SLC25A13: variants seen among roughly 807,000 people sequenced by gnomAD.
SLC25A13 encodes solute carrier family 25 member 13.
In SLC25A13, 70 loss-of-function variants were observed where a neutral mutation model predicts 85.5. The observed-to-expected ratio is 0.82, with a 90% CI of 0.68 to 1.00. The LOEUF is 1.00. Among genes scored for constraint, SLC25A13 ranks in the 50% least tolerant of loss-of-function variants. The pLI, the probability that SLC25A13 is intolerant of heterozygous loss-of-function variation, is 0.00. For synonymous variants in SLC25A13, 259 were observed against 288.7 expected, an observed-to-expected ratio of 0.90 and a Z score of 1.04; for missense variants, 765 against 819.8, an observed-to-expected ratio of 0.93 and a Z score of 0.82.
chr7:96,173,092 T>G (rs1018764385), intron 11 of SLC25A13, among the ~76,000 whole-genome samples: 2 of 152,168 alleles, frequency 1.3e-5, no homozygotes, highest in South Asian at 4.1e-4. Flanking sequence ...ACTGATATCG[T>G]CACAATTGAT....
At chr7:96,128,785 A>G (rs1054382706) in intron 15 of SLC25A13, among the ~76,000 whole-genome samples, 4 of 148,670 alleles carry the variant, frequency 2.7e-5, no homozygotes, top group East Asian at 2.0e-4. Context: ...TAATAATAAT[A>G]ATAATAATAA....
intron 14 of SLC25A13, among the ~76,000 whole-genome samples, chr7:96,144,293 A>C (rs753312792): frequency 6.6e-6 from 1 of 152,116 alleles, no homozygotes; most frequent in Non-Finnish European, 1.5e-5. Flanking sequence ...CTGAAAGGAG[A>C]CCAAACCACA....
intron 11 of SLC25A13, among the ~76,000 whole-genome samples, chr7:96,179,944 A>G (rs1363367590): frequency 6.6e-6 from 1 of 152,196 alleles, no homozygotes. Flanking sequence ...ACTCCCTTTT[A>G]TAGTACCATC....
chr7:96,145,151 A>G (rs529686822), intron 14 of SLC25A13, among the ~76,000 whole-genome samples: 2 of 152,196 alleles, frequency 1.3e-5, no homozygotes, highest in Non-Finnish European at 1.5e-5. Context: ...AGTTCTACTT[A>G]AAAAAACAGC....
At chr7:96,235,830 G>A (rs1190176245) in intron 3 of SLC25A13, among the ~76,000 whole-genome samples, 1 of 152,178 alleles carries the variant, frequency 6.6e-6, no homozygotes, top group African/African-American at 2.4e-5. Context: ...TCAAAATGTG[G>A]GTCAAATCTA....
At chr7:96,123,951 G>T (rs1006174735) in intron 15 of SLC25A13, among the ~76,000 whole-genome samples, 10 of 152,174 alleles carry the variant, frequency 6.6e-5, no homozygotes, top group African/African-American at 2.4e-4. Context: ...TAAAGACAGG[G>T]GAGCAAGAGG....
chr7:96,241,699 T>C (rs761508019), intron 3 of SLC25A13, among the ~76,000 whole-genome samples: 1 of 152,092 alleles, frequency 6.6e-6, no homozygotes, highest in African/African-American at 2.4e-5. Context: ...ATAATATACA[T>C]ACTGCACTGT....
intron 13 of SLC25A13, among the ~76,000 whole-genome samples, chr7:96,158,684 G>T (rs1362507579): frequency 1.3e-5 from 2 of 152,150 alleles, no homozygotes; most frequent in Non-Finnish European, 2.9e-5. Flanking sequence ...TTATAGAATA[G>T]ACTTTTACTT....
chr7:96,297,749 C>T (rs1361546082), intron 1 of SLC25A13, among the ~76,000 whole-genome samples: 3 of 152,142 alleles, frequency 2.0e-5, no homozygotes, highest in African/African-American at 7.2e-5. Flanking sequence ...CCTGGGCATG[C>T]CAAAGAACCT....
intron 3 of SLC25A13, among the ~76,000 whole-genome samples, chr7:96,236,811 G>T (rs562801090): frequency 6.6e-6 from 1 of 152,278 alleles, no homozygotes; most frequent in South Asian, 2.1e-4. Context: ...TGTCTTGCAG[G>T]ACAGCAGAGA....
chr7:96,229,030 CG>C lies in SLC25A13; in HGVS notation c.328+5771del, dbSNP rs559418537. The stretch of plus-strand genomic sequence containing the variant: ...TCCCATGCAGCCTGAGCCTCCCCAA[CG>C]GGTGCCGCCCCCTGCTCCGCAGCGC... On this transcript the variant is annotated intron_variant, in intron 4 of 17. Coordinates refer to ENST00000265631, the MANE Select transcript of SLC25A13 (RefSeq NM_014251.3). 3.5e-3 allele frequency among the ~76,000 whole-genome samples: 540 copies of C among 152,308 alleles called. 5 individuals are homozygous for C. The highest frequency in any genetic ancestry group is 9.5e-3 in the South Asian group (46 of 4,826).
chr7:96,200,250 G>A (rs1443828549), intron 5 of SLC25A13, among the ~76,000 whole-genome samples: 1 of 152,136 alleles, frequency 6.6e-6, no homozygotes, highest in African/African-American at 2.4e-5. Context: ...GCAAAATGCA[G>A]CTAATTGTTT....
At chr7:96,140,291 G>A (rs1174849013) in intron 14 of SLC25A13, among the ~76,000 whole-genome samples, 1 of 151,930 alleles carries the variant, frequency 6.6e-6, no homozygotes, top group Admixed American at 6.6e-5. Context: ...CACCCAGAAG[G>A]GGGATTGCTG....
intron 14 of SLC25A13, among the ~76,000 whole-genome samples, chr7:96,138,483 C>T (rs561069240): frequency 2.0e-5 from 3 of 150,994 alleles, no homozygotes; most frequent in Non-Finnish European, 4.4e-5. Flanking sequence ...GCAGCCTTGA[C>T]CCCCTGGGCT....
At chr7:96,143,759 A>C (rs1414917240) in intron 14 of SLC25A13, among the ~76,000 whole-genome samples, 1 of 152,230 alleles carries the variant, frequency 6.6e-6, no homozygotes, top group Non-Finnish European at 1.5e-5. Flanking sequence ...TACAGAAGAA[A>C]AACAGAAAGC....
intron 1 of SLC25A13, among the ~76,000 whole-genome samples, chr7:96,297,627 C>T (rs901908039): frequency 6.6e-6 from 1 of 152,138 alleles, no homozygotes; most frequent in Non-Finnish European, 1.5e-5. Context: ...AGCCATCGTG[C>T]CCAGCCAAGA....
Position 96,157,803 on chromosome 7 carries a change from A to AAAAC in SLC25A13, c.1312-11111_1312-11108dup, listed in dbSNP as rs10580228. Among the ~76,000 whole-genome samples, 165 of 151,096 alleles carry AAAAC rather than the reference A, an allele frequency of 1.1e-3. No individual in the cohort carries two copies. The South Asian group carries it at 0.021, about 19-fold the overall frequency. ...GCGACAGAACAAGCCTCTATCTTGG[A>AAAAC]AAACAAACAAACAAACAAACAAACA... is the stretch of plus-strand genomic sequence containing the variant. On this transcript the variant is annotated intron_variant, in intron 13 of 17. Coordinates refer to ENST00000265631, the MANE Select transcript of SLC25A13 (RefSeq NM_014251.3).
At chr7:96,170,261 A>C (rs1264043773) in intron 12 of SLC25A13, 136 bp from the exon 13 acceptor site, 2 of 779,006 alleles carry the variant, frequency 2.6e-6, no homozygotes, top group Non-Finnish European at 2.2e-6. Context: ...ACAATTTAAC[A>C]GATCTTAAAA....
At chr7:96,229,814 GA>G (rs1180944989) in intron 4 of SLC25A13, among the ~76,000 whole-genome samples, 4 of 152,064 alleles carry the variant, frequency 2.6e-5, no homozygotes, top group Non-Finnish European at 5.9e-5. Context: ...CCAAACATAA[GA>G]AGGAACAAAC....
Sources: gnomAD v4.1 joint callset for allele counts (sites outside exome capture counted in the v4.1 genomes callset) on GRCh38, gnomAD v4.1.1 for gene constraint, MANE v1.5 for transcripts, NCBI Gene and HGNC (gene_info 2026-07-23, HGNC 2026-07-21) for gene names.